Variants in RALGAPA1 observed in about 807,000 individuals in gnomAD.
RALGAPA1 encodes the protein Ral GTPase activating protein catalytic subunit alpha 1.
RALGAPA1 carries 52 observed loss-of-function variants against 269.6 expected under a neutral mutation model. The observed-to-expected ratio is 0.19, with a 90% CI of 0.15 to 0.24. The LOEUF (loss-of-function observed/expected upper bound fraction) is 0.24. Ranked by LOEUF, RALGAPA1 falls within the 10% of genes least tolerant of loss-of-function variation. RALGAPA1 has a pLI of 1.00. For synonymous variants in RALGAPA1, 817 were observed against 1,008.3 expected (o/e 0.81, Z 3.60); for missense variants, 1,917 against 3,013.9 (o/e 0.64, Z 8.52).
chr14:35,728,210 T>C (rs959288846), intron 13 of RALGAPA1, 152 bp downstream of exon 13: 7 of 751,522 alleles, frequency 9.3e-6, no homozygotes, highest in African/African-American at 5.5e-5. Context: ...AAAGGAACTA[T>C]TGCCACTATG....
chr14:35,663,113 A>T (rs1210496197), intron 27 of RALGAPA1, among the ~76,000 whole-genome samples: 2 of 152,050 alleles, frequency 1.3e-5, no homozygotes, highest in Non-Finnish European at 2.9e-5. Context: ...TATGTTTCCC[A>T]GGCTGGTCTT....
intron 9 of RALGAPA1, 105 bp from the exon 10 acceptor site, chr14:35,748,929 C>A: frequency 7.1e-7 from 1 of 1,407,312 alleles, no homozygotes; most frequent in Non-Finnish European, 9.2e-7. Context: ...AAACATTTCC[C>A]AAGTAATTTA....
At chr14:35,562,744 G>A (rs890135838) in intron 39 of RALGAPA1, among the ~76,000 whole-genome samples, 2 of 151,922 alleles carry the variant, frequency 1.3e-5, no homozygotes, top group Admixed American at 6.6e-5. Context: ...ATCCATGGCC[G>A]GGCGTGGTGG....
intron 1 of RALGAPA1, among the ~76,000 whole-genome samples, chr14:35,795,975 T>A (rs561708236): frequency 6.6e-6 from 1 of 152,018 alleles, no homozygotes; most frequent in Admixed American, 6.6e-5. Context: ...AATTTACAGA[T>A]ATAGGAAAAT....
rs987466181 is a variant in RALGAPA1, at chr14:35,556,199, A to G, written c.7497-6965T>C. 1.2e-4 allele frequency among the ~76,000 whole-genome samples: 19 copies of G among 152,332 alleles called. 1 individual carries two copies. Among genetic ancestry groups the G allele is most frequent in the Admixed American group, 9.2e-4 (14 of 15,296 alleles). On this transcript the variant is annotated intron_variant, in intron 39 of 41. Coordinates refer to ENST00000680220, the MANE Select transcript of RALGAPA1 (RefSeq NM_001346249.2). Reference sequence around the variant, plus strand: ...ATTGAGACATAGCATATGGGTAGACATATTTTGCAAGTACATCTCAAGGAT... The same window carrying G: ...ATTGAGACATAGCATATGGGTAGACGTATTTTGCAAGTACATCTCAAGGAT...
At chr14:35,623,516 A>G (rs925614517) in intron 35 of RALGAPA1, among the ~76,000 whole-genome samples, 2 of 152,212 alleles carry the variant, frequency 1.3e-5, no homozygotes, top group Non-Finnish European at 2.9e-5. Context: ...AAAAAATTAA[A>G]GAGGTACCAT....
intron 6 of RALGAPA1, 23 bp from the exon 7 acceptor site, chr14:35,756,931 T>C: frequency 2.0e-6 from 3 of 1,530,840 alleles, no homozygotes; most frequent in Non-Finnish European, 2.6e-6. Context: ...AAAAGAATAG[T>C]ATATAGTTAC....
chr14:35,560,079 A>C (rs2056053320), intron 39 of RALGAPA1, among the ~76,000 whole-genome samples: 1 of 152,264 alleles, frequency 6.6e-6, no homozygotes. Context: ...ACGATCAATA[A>C]ACATTTTGGA....
chr14:35,735,602 T>A (rs1458961676), intron 12 of RALGAPA1, among the ~76,000 whole-genome samples: 2 of 152,074 alleles, frequency 1.3e-5, no homozygotes, highest in African/African-American at 4.8e-5. Context: ...GCAAATAGGG[T>A]GCAGTGTATA....
chr14:35,797,979 C>G (rs1199363631), intron 1 of RALGAPA1, among the ~76,000 whole-genome samples: 2 of 150,198 alleles, frequency 1.3e-5, no homozygotes, highest in African/African-American at 4.9e-5. Context: ...CTCAAGCAAT[C>G]CTCCTGCCTC....
chr14:35,605,722 A>G lies in RALGAPA1; in HGVS notation c.6930-13T>C. 1 of 1,600,244 alleles carries G rather than the reference A, an allele frequency of 6.2e-7. No homozygotes were observed. Among genetic ancestry groups the G allele is most frequent in the Non-Finnish European group, 8.5e-7 (1 of 1,176,636 alleles). Reference sequence around the variant, plus strand: ...GTGTGTCTCTCGGCTATAAAACAAAAGATTACACCATTAATTTAATCACTA... The same window carrying G: ...GTGTGTCTCTCGGCTATAAAACAAAGGATTACACCATTAATTTAATCACTA... On this transcript the variant is annotated splice_polypyrimidine_tract_variant and intron_variant, in intron 35 of 41. Coordinates refer to ENST00000680220, the MANE Select transcript of RALGAPA1 (RefSeq NM_001346249.2).
chr14:35,613,160 C>A (rs976583690), intron 35 of RALGAPA1, among the ~76,000 whole-genome samples: 1 of 151,848 alleles, frequency 6.6e-6, no homozygotes, highest in African/African-American at 2.4e-5. Context: ...TGGCTCACTG[C>A]AGCCTCTGCT....
At chr14:35,601,914 T>C (rs2059312765) in intron 36 of RALGAPA1, among the ~76,000 whole-genome samples, 1 of 152,198 alleles carries the variant, frequency 6.6e-6, no homozygotes, top group Non-Finnish European at 1.5e-5. Flanking sequence ...CAGTCAATTA[T>C]AGAACATCTT....
chr14:35,546,805 T>C (rs1410261927), intron 41 of RALGAPA1, among the ~76,000 whole-genome samples: 2 of 152,116 alleles, frequency 1.3e-5, no homozygotes, highest in Non-Finnish European at 2.9e-5. Context: ...GTCTTCTCTG[T>C]CCACTTTGAC....
rs1370222971 is a variant in RALGAPA1 at position 35,656,023 on chromosome 14, A to G, written c.5388-108T>C. 9 of 1,559,016 alleles carry G rather than the reference A, an allele frequency of 5.8e-6. No individual in the cohort carries two copies. The African/African-American group carries it at 1.2e-4, about 22-fold the overall frequency. Reference sequence around the variant, plus strand: ...AACATGCACTATTTTAAATGAATTAATGAATTTGTTACTCTATACATTAAC... The same window carrying G: ...AACATGCACTATTTTAAATGAATTAGTGAATTTGTTACTCTATACATTAAC... On this transcript the variant is annotated intron_variant, in intron 28 of 41. Coordinates refer to ENST00000680220, the MANE Select transcript of RALGAPA1 (RefSeq NM_001346249.2).
chr14:35,539,903 C>T (rs563270475), intron 41 of RALGAPA1, among the ~76,000 whole-genome samples: 20 of 152,172 alleles, frequency 1.3e-4, no homozygotes, highest in African/African-American at 4.3e-4. Flanking sequence ...AGCAAGAAAG[C>T]GCCAATCATC....
intron 37 of RALGAPA1, among the ~76,000 whole-genome samples, chr14:35,580,942 T>A (rs528736423): frequency 7.0e-4 from 106 of 152,258 alleles, no homozygotes; most frequent in Non-Finnish European, 1.4e-3. Context: ...CCCGTGCTCA[T>A]TAATGTGTCT....
intron 37 of RALGAPA1, among the ~76,000 whole-genome samples, chr14:35,593,561 C>A (rs2058756203): frequency 6.6e-6 from 1 of 151,888 alleles, no homozygotes; most frequent in Non-Finnish European, 1.5e-5. Context: ...CATCATATTC[C>A]CTGATTTAAA....
intron 37 of RALGAPA1, among the ~76,000 whole-genome samples, chr14:35,581,820 C>T (rs972245871): frequency 1.9e-4 from 29 of 152,100 alleles, no homozygotes; most frequent in Non-Finnish European, 3.4e-4. Flanking sequence ...AGAAAACATC[C>T]TGACAATTTC....
Sources: gnomAD v4.1 joint callset for allele counts (sites outside exome capture counted in the v4.1 genomes callset) on GRCh38, gnomAD v4.1.1 for gene constraint, MANE v1.5 for transcripts, NCBI Gene and HGNC (gene_info 2026-07-23, HGNC 2026-07-21) for gene names.